PDE3B: variants seen among roughly 807,000 people sequenced by gnomAD.
PDE3B encodes the protein cGMP-inhibited 3',5'-cyclic phosphodiesterase 3B.
PDE3B carries 66 observed loss-of-function variants against 116.8 expected under a neutral mutation model. The ratio of observed to expected loss-of-function variants is 0.56; its 90% confidence interval spans 0.46 to 0.69. PDE3B has a LOEUF of 0.69. Among genes scored for constraint, PDE3B ranks in the 30% least tolerant of loss-of-function variants. PDE3B has a pLI of 0.00. For synonymous variants in PDE3B, 595 were observed against 533.6 expected (o/e 1.12, Z -1.59); for missense variants, 1,384 against 1,368.1 (o/e 1.01, Z -0.18).
chr11:14,791,055 T>C (rs548719210), intron 4 of PDE3B, among the ~76,000 whole-genome samples: 121 of 152,240 alleles, frequency 7.9e-4, no homozygotes, highest in African/African-American at 2.6e-3. Context: ...TTAAATGTGA[T>C]TTAATTCTTA....
chr11:14,708,251 C>A (rs575864961), intron 1 of PDE3B, among the ~76,000 whole-genome samples: 17 of 152,084 alleles, frequency 1.1e-4, no homozygotes, highest in African/African-American at 3.9e-4. Context: ...GTGGTCTATG[C>A]ACACTGGCTT....
intron 1 of PDE3B, among the ~76,000 whole-genome samples, chr11:14,660,103 G>A (rs761444248): frequency 1.7e-4 from 26 of 152,016 alleles, no homozygotes; most frequent in East Asian, 1.9e-4. Flanking sequence ...AAAATCCTCC[G>A]AAATTAATTC....
chr11:14,693,812 A>T (rs559756017), intron 1 of PDE3B, among the ~76,000 whole-genome samples: 5 of 152,206 alleles, frequency 3.3e-5, no homozygotes, highest in Non-Finnish European at 7.3e-5. Flanking sequence ...AGTAATTTTG[A>T]CTTTCAAATC....
At chr11:14,819,858 A>G (rs1427901621) in intron 7 of PDE3B, among the ~76,000 whole-genome samples, 1 of 152,170 alleles carries the variant, frequency 6.6e-6, no homozygotes, top group Non-Finnish European at 1.5e-5. Context: ...GTTTGGGGCT[A>G]TCAAAAGAGT....
At chr11:14,884,269 T>C in the PDE3B span, among the ~76,000 whole-genome samples, 1 of 151,766 alleles carries the variant, frequency 6.6e-6, no homozygotes, top group Non-Finnish European at 1.5e-5. Flanking sequence ...TAGCAAAGAC[T>C]TGGAACCAAC....
intron 4 of PDE3B, among the ~76,000 whole-genome samples, chr11:14,803,468 C>A (rs777051791): frequency 3.9e-5 from 6 of 152,158 alleles, no homozygotes; most frequent in African/African-American, 7.2e-5. Context: ...CATATAAGAA[C>A]TTGTTAGAAG....
chr11:14,754,544 A>G (rs1278450811), intron 1 of PDE3B, among the ~76,000 whole-genome samples: 2 of 152,184 alleles, frequency 1.3e-5, no homozygotes, highest in East Asian at 3.8e-4. Flanking sequence ...TTGGAATGTG[A>G]GCATGCATTC....
At chr11:14,680,178 A>T (rs201751570) in intron 1 of PDE3B, among the ~76,000 whole-genome samples, 6 of 152,110 alleles carry the variant, frequency 3.9e-5, no homozygotes, top group Non-Finnish European at 7.4e-5. Context: ...TGAAGGGAAC[A>T]CCCTTGGCAG....
At chr11:14,880,893 A>C in the PDE3B span, 1 of 875,066 alleles carries the variant, frequency 1.1e-6, no homozygotes, top group Non-Finnish European at 1.7e-6. Context: ...ATATAACTAC[A>C]TGGTTGGGTC....
chr11:14,683,697 T>C (rs1854782299), intron 1 of PDE3B, among the ~76,000 whole-genome samples: 1 of 152,100 alleles, frequency 6.6e-6, no homozygotes, highest in Admixed American at 6.5e-5. Context: ...TTATTTCTTT[T>C]TTTTCTGCTT....
chr11:14,887,642 T>G, the PDE3B span: 1 of 985,250 alleles, frequency 1.0e-6, no homozygotes, highest in African/African-American at 1.7e-5. Context: ...TCTAGATCAC[T>G]CCATGATCTT....
At chr11:14,752,411 A>G (rs1178158645) in intron 1 of PDE3B, among the ~76,000 whole-genome samples, 1 of 152,146 alleles carries the variant, frequency 6.6e-6, no homozygotes. Context: ...TCTTGGTTTA[A>G]TCTATCAAAG....
intron 7 of PDE3B, among the ~76,000 whole-genome samples, chr11:14,830,209 G>C (rs1859832599): frequency 6.6e-6 from 1 of 152,062 alleles, no homozygotes; most frequent in Non-Finnish European, 1.5e-5. Flanking sequence ...ATTTAGCTAT[G>C]AATACTGCTC....
intron 1 of PDE3B, among the ~76,000 whole-genome samples, chr11:14,757,572 C>T (rs1481240897): frequency 3.1e-4 from 39 of 126,840 alleles, no homozygotes; most frequent in African/African-American, 1.2e-3. Flanking sequence ...AGCATTTTTT[C>T]ATGTGTTTTT....
At chr11:14,738,138 G>A (rs1446954235) in intron 1 of PDE3B, among the ~76,000 whole-genome samples, 41 of 152,096 alleles carry the variant, frequency 2.7e-4, no homozygotes, top group Admixed American at 1.2e-3. Context: ...ATACCCAGTA[G>A]TGGGATGGCT....
intron 1 of PDE3B, among the ~76,000 whole-genome samples, chr11:14,654,977 A>G (rs1853671588): frequency 1.3e-5 from 2 of 152,084 alleles, no homozygotes; most frequent in African/African-American, 4.8e-5. Context: ...CTAGGCGAAC[A>G]GGACAAATAC....
chr11:14,772,198 TA>T (rs1473588047), intron 2 of PDE3B: 1 of 268,642 alleles, frequency 3.7e-6, no homozygotes, highest in African/African-American at 2.2e-5. Context: ...AAGAAAATGA[TA>T]AAAACAAAAT....
chr11:14,839,737 T>G (rs1417797199), intron 11 of PDE3B, among the ~76,000 whole-genome samples: 1 of 152,226 alleles, frequency 6.6e-6, no homozygotes, highest in African/African-American at 2.4e-5. Flanking sequence ...TGTTATAATC[T>G]AGTCTGTTCC....
intron 1 of PDE3B, among the ~76,000 whole-genome samples, chr11:14,758,863 C>T (rs900816815): frequency 1.4e-3 from 213 of 151,806 alleles, no homozygotes; most frequent in African/African-American, 5.1e-3. Context: ...AAAGGGAATG[C>T]TTCCAGTTTT....
Sources: gnomAD v4.1 joint callset for allele counts (sites outside exome capture counted in the v4.1 genomes callset) on GRCh38, gnomAD v4.1.1 for gene constraint, MANE v1.5 for transcripts, NCBI Gene and HGNC (gene_info 2026-07-23, HGNC 2026-07-21) for gene names.